GLRA1: variants seen among roughly 807,000 people sequenced by gnomAD.
GLRA1 encodes glycine receptor alpha 1.
In GLRA1, 37 loss-of-function variants were observed where a neutral mutation model predicts 48.3. The observed-to-expected ratio is 0.77, with a 90% CI of 0.59 to 1.01. The LOEUF (loss-of-function observed/expected upper bound fraction) is 1.01, where lower values mean the gene tolerates loss of function less well. Ranked by LOEUF, GLRA1 falls within the 50% of genes least tolerant of loss-of-function variation. The pLI, the probability that GLRA1 is intolerant of heterozygous loss-of-function variation, is 0.00. For missense variants in GLRA1, 427 were observed against 571.0 expected (o/e 0.75, Z 2.57); for synonymous variants, 196 against 210.7 (o/e 0.93, Z 0.60).
Position 151,829,048 on chromosome 5 carries a change from A to T in GLRA1, c.932T>A (p.Ile311Asn). 1 of 1,614,072 alleles carries T rather than the reference A, an allele frequency of 6.2e-7. No homozygotes were observed. The highest frequency in any genetic ancestry group is 8.5e-7 in the Non-Finnish European group (1 of 1,179,954). Residue 311 changes from isoleucine (I) to asparagine (N), a missense_variant, in exon 8 of 9, where the codon ATT becomes AAT. Physicochemically the swap from Ile to Asn is moderately radical, Grantham distance 149. Transcript: ENST00000274576. ...SLPKVSYVKA[I>N]DIWMAVCLLF... The stretch of plus-strand genomic sequence containing the variant: ...CAGGCAAACTGCCATCCAAATGTCA[A>T]TGGCTTTCACATAGGACACCTAGAG...
rs973462811 is a variant in GLRA1 at position 151,860,061 on chromosome 5, C to T, written c.253-53G>A. 6 of 1,390,682 alleles carry T rather than the reference C, an allele frequency of 4.3e-6. No homozygotes were observed. The African/African-American group carries it at 8.5e-5, about 20-fold the overall frequency. 86.1% of individuals were successfully genotyped at this position (1,390,682 alleles called of 1,614,324 possible). On this transcript the variant is annotated intron_variant, in intron 3 of 8. Transcript: ENST00000274576. ...GCAATGTTAGGCCCAAGGACATCAA[C>T]TTTTGGAGGACCTGGGTGCTTTTGG...
intron 1 of GLRA1, among the ~76,000 whole-genome samples, chr5:151,908,378 C>T (rs1754527586): frequency 6.6e-6 from 1 of 152,208 alleles, no homozygotes; most frequent in African/African-American, 2.4e-5. Context: ...CCTCCTTAAC[C>T]TTTGCTTCTT....
chr5:151,886,165 AT>A (rs1322625353), intron 3 of GLRA1, among the ~76,000 whole-genome samples: 2 of 152,362 alleles, frequency 1.3e-5, no homozygotes, highest in Admixed American at 6.5e-5. Flanking sequence ...TTTGAAAAAT[AT>A]ATAAATACTG....
intron 4 of GLRA1, among the ~76,000 whole-genome samples, chr5:151,858,516 G>T (rs1753107110): frequency 6.6e-6 from 1 of 152,124 alleles, no homozygotes; most frequent in African/African-American, 2.4e-5. Flanking sequence ...CAGCCAGCTG[G>T]GCCTGGATGG....
At chr5:151,845,216 C>T (rs1343913736) in intron 7 of GLRA1, among the ~76,000 whole-genome samples, 1 of 151,982 alleles carries the variant, frequency 6.6e-6, no homozygotes, top group Non-Finnish European at 1.5e-5. Flanking sequence ...CCATTAGGAC[C>T]CTTCTCCAAT....
At chr5:151,855,555 C>T (rs1459739996) in intron 5 of GLRA1, among the ~76,000 whole-genome samples, 2 of 152,290 alleles carry the variant, frequency 1.3e-5, no homozygotes, top group Admixed American at 6.5e-5. Context: ...GGACTAACCA[C>T]TGGCTGGGGT....
At chr5:151,865,922 A>T (rs867054087) in intron 3 of GLRA1, among the ~76,000 whole-genome samples, 1 of 152,282 alleles carries the variant, frequency 6.6e-6, no homozygotes, top group Middle Eastern at 3.4e-3. Flanking sequence ...TTCAGAAGAG[A>T]TCAATGTAAT....
intron 1 of GLRA1, among the ~76,000 whole-genome samples, chr5:151,923,589 ACTAT>A (rs1214611814): frequency 5.9e-5 from 9 of 152,224 alleles, no homozygotes; most frequent in African/African-American, 1.9e-4. Context: ...TTACTAAAGG[ACTAT>A]CTATTTCAAT....
In GLRA1 at chr5:151,905,535, T is replaced by C. The variant is rs1472156463; in HGVS notation, c.57-13097A>G. ...AATTTTTAGCTATTATAAATTATGC[T>C]GGAAAAACCCCCTTGGTCACAAACC... On this transcript the variant is annotated intron_variant, in intron 1 of 8. Coordinates refer to ENST00000274576, the MANE Select transcript of GLRA1 (RefSeq NM_000171.4). Among the ~76,000 whole-genome samples, 5 of 152,160 alleles carry C rather than the reference T, an allele frequency of 3.3e-5. No individual in the cohort carries two copies. The East Asian group carries it at 7.7e-4, about 23-fold the overall frequency.
intron 1 of GLRA1, among the ~76,000 whole-genome samples, chr5:151,921,715 G>A (rs540672771): frequency 6.2e-4 from 95 of 152,234 alleles, no homozygotes; most frequent in African/African-American, 2.2e-3. Context: ...AAAAAAATTT[G>A]CCTATTATTT....
intron 1 of GLRA1, among the ~76,000 whole-genome samples, 172 bp downstream of exon 1, chr5:151,924,321 TG>T (rs950236225): frequency 5.1e-4 from 7 of 13,658 alleles, no homozygotes; most frequent in African/African-American, 2.0e-3. Context: ...GGGGGTGGGG[TG>T]GGTGGCGGGG....
intron 1 of GLRA1, among the ~76,000 whole-genome samples, chr5:151,897,812 A>G (rs1030305935): frequency 1.3e-5 from 2 of 152,122 alleles, no homozygotes; most frequent in East Asian, 1.9e-4. Flanking sequence ...GTGTCTATGG[A>G]TGTAGGTGAG....
chr5:151,900,868 A>G (rs1471096580), intron 1 of GLRA1, among the ~76,000 whole-genome samples: 2 of 152,186 alleles, frequency 1.3e-5, no homozygotes, highest in Non-Finnish European at 2.9e-5. Flanking sequence ...CTCTTAATAA[A>G]CATGGTTTTC....
At chr5:151,880,406 C>T (rs1372391863) in intron 3 of GLRA1, among the ~76,000 whole-genome samples, 2 of 152,170 alleles carry the variant, frequency 1.3e-5, no homozygotes, top group African/African-American at 4.8e-5. Context: ...CTGTCCATTG[C>T]CCCTTAAAGT....
chr5:151,852,799 A>G lies in GLRA1; in HGVS notation c.698-1195T>C, dbSNP rs547545926. 1.5e-4 allele frequency among the ~76,000 whole-genome samples: 23 copies of G among 152,326 alleles called. No individual in the cohort carries two copies. The East Asian group carries it at 4.2e-3, about 28-fold the overall frequency. On this transcript the variant is annotated intron_variant, in intron 6 of 8. Transcript: ENST00000274576. ...ACATGGGAGTGCAGATATGTCTTTGAGGTACTGATTTCATTTCCTTTGGAT... is the reference window on the plus strand; with the variant it reads ...ACATGGGAGTGCAGATATGTCTTTGGGGTACTGATTTCATTTCCTTTGGAT...
chr5:151,886,166 T>C (rs983085336), intron 3 of GLRA1, among the ~76,000 whole-genome samples: 7 of 152,222 alleles, frequency 4.6e-5, no homozygotes, highest in African/African-American at 1.7e-4. Flanking sequence ...TTGAAAAATA[T>C]ATAAATACTG....
At chr5:151,827,916 G>A (rs1270179071) in intron 8 of GLRA1, among the ~76,000 whole-genome samples, 1 of 152,046 alleles carries the variant, frequency 6.6e-6, no homozygotes, top group East Asian at 1.9e-4. Context: ...CTAATCTTTT[G>A]TTTATCCCTT....
At chr5:151,855,324 G>C (rs891662652) in intron 5 of GLRA1, 147 bp from the exon 6 acceptor site, 1 of 727,374 alleles carries the variant, frequency 1.4e-6, no homozygotes, top group Admixed American at 2.4e-5. Flanking sequence ...CCTCTCAAAA[G>C]AGGTAAAAAA....
chr5:151,897,594 G>C (rs1218791188), intron 1 of GLRA1, among the ~76,000 whole-genome samples: 1 of 152,094 alleles, frequency 6.6e-6, no homozygotes, highest in Non-Finnish European at 1.5e-5. Flanking sequence ...AAGGCTTATT[G>C]CAATAGATGC....
Sources: allele counts gnomAD v4.1 joint callset (sites outside exome capture counted in the v4.1 genomes callset), GRCh38; gene constraint gnomAD v4.1.1; transcripts MANE v1.5; gene names NCBI Gene and HGNC (gene_info 2026-07-23, HGNC 2026-07-21).